The following LRMDA variants were observed in gnomAD, a reference collection of about 807,000 sequenced individuals.
LRMDA encodes the protein leucine-rich melanocyte differentiation-associated protein.
In LRMDA, 18 loss-of-function variants were observed where a neutral mutation model predicts 29.8. The ratio of observed to expected loss-of-function variants is 0.60; its 90% CI spans 0.42 to 0.90. LRMDA has a LOEUF of 0.90. Among genes scored for constraint, LRMDA ranks in the 40% least tolerant of loss-of-function variants. The pLI is 0.00. For synonymous variants in LRMDA, 125 were observed against 109.4 expected (o/e 1.14, Z -0.89); for missense variants, 273 against 273.9 (o/e 1.00, Z 0.02).
intron 2 of LRMDA, among the ~76,000 whole-genome samples, chr10:75,569,408 T>C (rs1035532947): frequency 2.0e-5 from 3 of 152,338 alleles, no homozygotes; most frequent in Admixed American, 6.5e-5. Context: ...AAAGTTGTAG[T>C]GGCTTTTACC....
At chr10:76,068,596 C>T (rs1254573732) in intron 5 of LRMDA, among the ~76,000 whole-genome samples, 4 of 152,168 alleles carry the variant, frequency 2.6e-5, no homozygotes, top group Admixed American at 1.3e-4. Flanking sequence ...AGAGCCCAGG[C>T]AGTAATGCTC....
chr10:75,880,105 G>A (rs187400906), intron 2 of LRMDA, among the ~76,000 whole-genome samples: 6 of 152,216 alleles, frequency 3.9e-5, no homozygotes, highest in South Asian at 2.1e-4. Flanking sequence ...CTTTGTTTGC[G>A]TGTCATCAGT....
chr10:76,368,492 A>G (rs1447241433), intron 6 of LRMDA, among the ~76,000 whole-genome samples: 1 of 152,096 alleles, frequency 6.6e-6, no homozygotes, highest in Non-Finnish European at 1.5e-5. Context: ...ATTTTCTTAA[A>G]TGTATTGAGG....
intron 2 of LRMDA, among the ~76,000 whole-genome samples, chr10:75,882,241 C>T (rs9415125): frequency 0.88 from 134,535 of 152,128 alleles, 59,837 homozygotes; most frequent in Middle Eastern, 0.96. Flanking sequence ...GGCCAGGAAT[C>T]TTATTTTTTT....
chr10:75,624,225 G>T (rs146650486), intron 2 of LRMDA, among the ~76,000 whole-genome samples: 1 of 152,092 alleles, frequency 6.6e-6, no homozygotes, highest in African/African-American at 2.4e-5. Context: ...GACAGAATTA[G>T]GAGAAAGACT....
intron 5 of LRMDA, among the ~76,000 whole-genome samples, chr10:76,059,013 T>C (rs1256021076): frequency 6.6e-6 from 1 of 152,178 alleles, no homozygotes. Context: ...GGTGAAGTTC[T>C]GTGGGGGACT....
Position 76,075,645 on chromosome 10 carries a change from A to C in LRMDA, c.516+16862A>C, listed in dbSNP as rs186403926. Among the ~76,000 whole-genome samples, 353 of 152,346 alleles carry C rather than the reference A, an allele frequency of 2.3e-3. 1 individual carries two copies. Among genetic ancestry groups the C allele is most frequent in the African/African-American group, 8.0e-3 (334 of 41,584 alleles). On this transcript the variant is annotated intron_variant, in intron 5 of 6. Transcript: ENST00000611255. ...TTTGGCCCCACTGCAATAGTCAGCT[A>C]CTGTAAACCCTTGGGCAAGTCTAGT...
chr10:75,608,110 G>GTGTA (rs1491171608), intron 2 of LRMDA, among the ~76,000 whole-genome samples: 3 of 101,338 alleles, frequency 3.0e-5, no homozygotes, highest in African/African-American at 8.5e-5. Context: ...TGTAGTGTGT[G>GTGTA]TATATATATA....
chr10:76,260,669 C>T (rs1047934713), intron 5 of LRMDA: 1 of 152,132 alleles, frequency 6.6e-6, no homozygotes, highest in African/African-American at 2.4e-5. Context: ...TCCAAGAGAA[C>T]CTGTTTGGGG....
chr10:76,391,333 C>T (rs1375134915), intron 6 of LRMDA, among the ~76,000 whole-genome samples: 1 of 152,150 alleles, frequency 6.6e-6, no homozygotes, highest in African/African-American at 2.4e-5. Context: ...GACAGATAGC[C>T]TACAATGTTA....
intron 2 of LRMDA, among the ~76,000 whole-genome samples, chr10:75,580,833 T>C (rs1300842124): frequency 1.3e-5 from 2 of 152,176 alleles, no homozygotes; most frequent in Non-Finnish European, 2.9e-5. Flanking sequence ...ATTCCCTATT[T>C]AATAAATGGT....
chr10:76,089,376 G>T lies in LRMDA; in HGVS notation c.516+30593G>T, dbSNP rs369290574. On this transcript the variant is annotated intron_variant, in intron 5 of 6. Transcript: ENST00000611255. ...ACATGTGACTTAAGAATGAGTTGGG[G>T]AACTTAATTGCACTGGTGAAAAATG... 2.6e-4 allele frequency among the ~76,000 whole-genome samples: 39 copies of T among 152,304 alleles called. No homozygotes were observed. In the East Asian group the frequency reaches 6.9e-3, roughly 27 times the overall value.
intron 6 of LRMDA, among the ~76,000 whole-genome samples, chr10:76,339,184 G>T (rs1179040671): frequency 6.6e-6 from 1 of 150,654 alleles, no homozygotes; most frequent in Non-Finnish European, 1.5e-5. Flanking sequence ...AAAGAAAAGT[G>T]TAACATGCTT....
At chr10:76,094,323 T>G (rs1317390744) in intron 5 of LRMDA, among the ~76,000 whole-genome samples, 1 of 152,188 alleles carries the variant, frequency 6.6e-6, no homozygotes, top group Non-Finnish European at 1.5e-5. Context: ...AAATAACAAC[T>G]ACTTATACTT....
intron 5 of LRMDA, among the ~76,000 whole-genome samples, chr10:76,147,305 G>A (rs867633436): frequency 9.9e-5 from 15 of 152,004 alleles, no homozygotes; most frequent in African/African-American, 2.2e-4. Context: ...CATTCTCCCC[G>A]TCACTTTCAG....
At chr10:76,316,232 T>G (rs1840696567) in intron 5 of LRMDA, among the ~76,000 whole-genome samples, 2 of 152,202 alleles carry the variant, frequency 1.3e-5, no homozygotes, top group African/African-American at 4.8e-5. Flanking sequence ...CTGTGGTTCC[T>G]GGCGTCTCCC....
At chr10:75,865,897 A>G (rs946419461) in intron 2 of LRMDA, among the ~76,000 whole-genome samples, 3 of 152,220 alleles carry the variant, frequency 2.0e-5, no homozygotes, top group African/African-American at 4.8e-5. Context: ...ATGGAAATGT[A>G]TTTTTAGTCC....
chr10:75,612,831 T>C (rs956868897), intron 2 of LRMDA, among the ~76,000 whole-genome samples: 4 of 151,286 alleles, frequency 2.6e-5, no homozygotes, highest in Non-Finnish European at 4.4e-5. Context: ...AAAAAAAACC[T>C]GGGTAAAATA....
chr10:75,467,185 CAG>C (rs1844662503), intron 2 of LRMDA, among the ~76,000 whole-genome samples: 1 of 152,136 alleles, frequency 6.6e-6, no homozygotes, highest in Non-Finnish European at 1.5e-5. Flanking sequence ...GTCCTGGAGT[CAG>C]AGTCTGAAGC....
Sources: allele counts gnomAD v4.1 joint callset (sites outside exome capture counted in the v4.1 genomes callset), GRCh38; gene constraint gnomAD v4.1.1; transcripts MANE v1.5; gene names NCBI Gene and HGNC (gene_info 2026-07-23, HGNC 2026-07-21).